Variants in CSMD1 observed in about 807,000 individuals in gnomAD.
The protein encoded by CSMD1 is CUB and Sushi multiple domains 1, also known as CUB and sushi domain-containing protein 1.
Under a neutral mutation model 417.5 loss-of-function variants are expected in CSMD1, and 213 were observed. The ratio of observed to expected loss-of-function variants is 0.51; its 90% CI spans 0.46 to 0.57. CSMD1 has a LOEUF of 0.57. Among genes scored for constraint, CSMD1 ranks in the 20% least tolerant of loss-of-function variants. The pLI, the probability that CSMD1 is intolerant of heterozygous loss-of-function variation, is 0.00. For missense variants in CSMD1, 6,923 were observed against 4,529.7 expected (o/e 1.53, Z -15.17); for synonymous variants, 2,862 against 1,736.8 (o/e 1.65, Z -16.11).
intron 4 of CSMD1, among the ~76,000 whole-genome samples, chr8:4,006,779 C>T (rs533252835): frequency 2.0e-5 from 3 of 150,806 alleles, no homozygotes; most frequent in Non-Finnish European, 4.4e-5. Flanking sequence ...CTTATATCAC[C>T]ATTCATATTT....
Position 4,854,644 on chromosome 8 carries a change from G to T in CSMD1, c.85+139688C>A, listed in dbSNP as rs1801686437. Among the ~76,000 whole-genome samples the T allele has an allele frequency of 2.6e-5, 4 of 152,134 alleles. No homozygotes were observed. The South Asian group carries it at 6.2e-4, about 24-fold the overall frequency. On this transcript the variant is annotated intron_variant, in intron 1 of 69. Coordinates refer to ENST00000635120, the MANE Select transcript of CSMD1 (RefSeq NM_033225.6). Reference sequence around the variant, plus strand: ...GAGTTCCCTTTCTGAGTCAAAGAAAGGGGTGACGGACAGCACCTGGAAAAT... The same window carrying T: ...GAGTTCCCTTTCTGAGTCAAAGAAATGGGTGACGGACAGCACCTGGAAAAT...
At position 4,275,381 on chromosome 8, in the gene CSMD1, T is replaced by C. The variant is rs1796426736; in HGVS notation, c.415+144572A>G. ...AGTGCCAAGATTAAAGGAATCATCT[T>C]TAATGTTTTAAAGGAAAGGACAAAG... On this transcript the variant is annotated intron_variant, in intron 3 of 69. Coordinates refer to ENST00000635120, the MANE Select transcript of CSMD1 (RefSeq NM_033225.6). Among the ~76,000 whole-genome samples the C allele has an allele frequency of 2.0e-5, 3 of 152,314 alleles. 1 individual carries two copies. In the South Asian group the frequency reaches 6.2e-4, roughly 32 times the overall value.
intron 3 of CSMD1, among the ~76,000 whole-genome samples, chr8:4,104,242 T>A (rs529415660): frequency 1.1e-3 from 162 of 152,350 alleles, no homozygotes; most frequent in Non-Finnish European, 8.7e-4. Flanking sequence ...CATAGAGACA[T>A]AGATACATAA....
At chr8:4,274,089 A>G (rs1173042059) in intron 3 of CSMD1, among the ~76,000 whole-genome samples, 1 of 152,196 alleles carries the variant, frequency 6.6e-6, no homozygotes, top group Admixed American at 6.5e-5. Context: ...TAACTCATTT[A>G]CTATATGGAA....
At chr8:4,435,101 G>T (rs1165134615) in intron 2 of CSMD1, among the ~76,000 whole-genome samples, 1 of 152,068 alleles carries the variant, frequency 6.6e-6, no homozygotes, top group African/African-American at 2.4e-5. Context: ...ATTAACAGTA[G>T]ATGCTAAAAA....
chr8:3,845,849 A>G (rs1257985180), intron 5 of CSMD1, among the ~76,000 whole-genome samples: 1 of 150,782 alleles, frequency 6.6e-6, no homozygotes, highest in Non-Finnish European at 1.5e-5. Flanking sequence ...TTTACTTTCT[A>G]TACTTCTTTT....
At chr8:4,798,266 G>T (rs975101804) in intron 1 of CSMD1, among the ~76,000 whole-genome samples, 1 of 152,054 alleles carries the variant, frequency 6.6e-6, no homozygotes. Context: ...TGCGGTGTTT[G>T]TTTTCTGTCC....
intron 5 of CSMD1, among the ~76,000 whole-genome samples, chr8:3,845,133 G>C (rs565007579): frequency 2.6e-5 from 4 of 152,334 alleles, no homozygotes; most frequent in African/African-American, 9.6e-5. Flanking sequence ...CAAATCTGTA[G>C]ACATTGAATT....
chr8:2,951,262 G>T lies in CSMD1; in HGVS notation c.10053C>A (p.Val3351=), dbSNP rs1331734060. 1 of 1,604,130 alleles carries T rather than the reference G, an allele frequency of 6.2e-7. No individual in the cohort carries two copies. Among genetic ancestry groups the T allele is most frequent in the African/African-American group, 1.3e-5 (1 of 74,806 alleles). Residue 3351 remains valine (V), a synonymous_variant, in exon 66 of 70, where the codon GTC becomes GTA. Coordinates refer to ENST00000635120, the MANE Select transcript of CSMD1 (RefSeq NM_033225.6). ...TVTKTPVPSD[V]FFVNSLWKGY... is the part of the protein sequence containing the mutation. ...CCTTCCACAGTGAATTGACGAAAAAGACATCTGAAGGAACTGTGGGAAGGG... is the reference window on the plus strand; with the variant it reads ...CCTTCCACAGTGAATTGACGAAAAATACATCTGAAGGAACTGTGGGAAGGG...
intron 5 of CSMD1, among the ~76,000 whole-genome samples, chr8:3,889,151 T>C (rs969422575): frequency 2.6e-5 from 4 of 151,912 alleles, no homozygotes; most frequent in Non-Finnish European, 4.4e-5. Flanking sequence ...AAATCAGTGT[T>C]TAGAAAACAA....
intron 2 of CSMD1, among the ~76,000 whole-genome samples, chr8:4,594,039 G>C (rs918017169): frequency 2.6e-5 from 4 of 151,946 alleles, no homozygotes; most frequent in African/African-American, 9.7e-5. Context: ...CTCCTTGGCT[G>C]GAAGAATCAT....
chr8:4,311,235 G>T (rs66552562), intron 3 of CSMD1, among the ~76,000 whole-genome samples: 1 of 151,932 alleles, frequency 6.6e-6, no homozygotes, highest in East Asian at 1.9e-4. Context: ...AACAGCAAAG[G>T]CACGGAATCA....
intron 19 of CSMD1, among the ~76,000 whole-genome samples, chr8:3,368,738 G>A: frequency 6.6e-6 from 1 of 152,158 alleles, no homozygotes; most frequent in Admixed American, 6.5e-5. Context: ...TGCACAAAAT[G>A]CAAAATATCC....
At chr8:4,943,974 A>G (rs1808201138) in intron 1 of CSMD1, among the ~76,000 whole-genome samples, 1 of 152,218 alleles carries the variant, frequency 6.6e-6, no homozygotes. Flanking sequence ...AAGAAACATG[A>G]CAAGACATAC....
chr8:3,287,631 G>A (rs1261294074), intron 25 of CSMD1, among the ~76,000 whole-genome samples: 4 of 152,162 alleles, frequency 2.6e-5, no homozygotes, highest in Non-Finnish European at 4.4e-5. Flanking sequence ...GAGAATGCTT[G>A]TGATTTTTGC....
At position 3,406,228 on chromosome 8, in the gene CSMD1, G is replaced by C. The variant is rs369197422; in HGVS notation, c.2072-7C>G. ...CACTCATTCTGACCAAATGCTGAAA[G>C]AAAAAGAAGAAGAAAAAAGGAATAA... On this transcript the variant is annotated splice_region_variant and splice_polypyrimidine_tract_variant and intron_variant, in intron 14 of 69. Coordinates refer to ENST00000635120, the MANE Select transcript of CSMD1 (RefSeq NM_033225.6). 16 of 1,564,578 alleles carry C rather than the reference G, an allele frequency of 1.0e-5. No homozygotes were observed. The highest frequency in any genetic ancestry group is 1.7e-4 in the Middle Eastern group (1 of 5,878).
intron 7 of CSMD1, among the ~76,000 whole-genome samples, chr8:3,701,689 A>G (rs59021381): frequency 0.032 from 4,888 of 152,286 alleles, 248 homozygotes; most frequent in African/African-American, 0.11. Flanking sequence ...AAAATGGTTC[A>G]ATCAGTCAGG....
intron 1 of CSMD1, among the ~76,000 whole-genome samples, chr8:4,689,978 T>C (rs906907529): frequency 6.6e-6 from 1 of 152,186 alleles, no homozygotes; most frequent in African/African-American, 2.4e-5. Flanking sequence ...GCCGTAAGCG[T>C]AGTGCTAAAG....
At chr8:2,941,401 A>G (rs547955707) in intron 69 of CSMD1, among the ~76,000 whole-genome samples, 26 of 152,294 alleles carry the variant, frequency 1.7e-4, no homozygotes, top group African/African-American at 6.3e-4. Context: ...TTATGTACTG[A>G]TATTTATTTA....
Sources: gnomAD v4.1 joint callset for allele counts (sites outside exome capture counted in the v4.1 genomes callset) on GRCh38, gnomAD v4.1.1 for gene constraint, MANE v1.5 for transcripts, NCBI Gene and HGNC (gene_info 2026-07-23, HGNC 2026-07-21) for gene names.